Variants in LRP1B observed in about 807,000 individuals in gnomAD.
LRP1B encodes LDL receptor related protein 1B, also known as low-density lipoprotein receptor-related protein 1B.
LRP1B carries 217 observed loss-of-function variants against 556.6 expected under a neutral mutation model. The ratio of observed to expected loss-of-function variants is 0.39; its 90% confidence interval spans 0.35 to 0.44. LRP1B has a LOEUF of 0.44. Ranked by LOEUF, LRP1B falls within the 20% of genes least tolerant of loss-of-function variation. The pLI is 1.00. For missense variants in LRP1B, 5,053 were observed against 5,620.8 expected (o/e 0.90, Z 3.23); for synonymous variants, 2,047 against 1,865.8 (o/e 1.10, Z -2.50).
chr2:140,342,613 A>G (rs1412430823), intron 77 of LRP1B, among the ~76,000 whole-genome samples: 1 of 151,626 alleles, frequency 6.6e-6, no homozygotes, highest in East Asian at 1.9e-4. Context: ...AAATATGTTA[A>G]TGGTGCACAG....
chr2:141,944,450 G>T (rs1700899400), intron 1 of LRP1B, among the ~76,000 whole-genome samples: 1 of 152,084 alleles, frequency 6.6e-6, no homozygotes, highest in Admixed American at 6.6e-5. Context: ...GTTAGTGTGT[G>T]GACCTTGCTG....
chr2:140,699,663 A>T (rs370184752), intron 41 of LRP1B, among the ~76,000 whole-genome samples: 2 of 151,354 alleles, frequency 1.3e-5, no homozygotes, highest in African/African-American at 4.8e-5. Context: ...AGGTTTCCCT[A>T]AATTATGTGG....
intron 1 of LRP1B, among the ~76,000 whole-genome samples, chr2:141,978,311 A>G (rs1317430416): frequency 6.6e-6 from 1 of 152,062 alleles, no homozygotes; most frequent in Non-Finnish European, 1.5e-5. Flanking sequence ...ATTATATTGG[A>G]ATGTACAAGG....
chr2:141,738,610 G>GAAGTTAGTTT (rs1379656578), intron 2 of LRP1B, among the ~76,000 whole-genome samples: 1 of 152,088 alleles, frequency 6.6e-6, no homozygotes, highest in Non-Finnish European at 1.5e-5. Context: ...ATACACCTTT[G>GAAGTTAGTTT]AAGTTAGTTT....
chr2:140,877,708 C>G (rs1189079490), intron 25 of LRP1B, among the ~76,000 whole-genome samples: 1 of 152,092 alleles, frequency 6.6e-6, no homozygotes, highest in East Asian at 1.9e-4. Context: ...CCTGGAGGCC[C>G]CCTCACTCCA....
chr2:140,316,012 G>T (rs1345472428), intron 82 of LRP1B, among the ~76,000 whole-genome samples: 2 of 152,236 alleles, frequency 1.3e-5, no homozygotes, highest in South Asian at 2.1e-4. Context: ...AATAAAAAAG[G>T]TTGGACATTC....
intron 2 of LRP1B, among the ~76,000 whole-genome samples, chr2:141,714,950 T>C (rs1437798988): frequency 6.6e-6 from 1 of 152,168 alleles, no homozygotes; most frequent in Non-Finnish European, 1.5e-5. Flanking sequence ...GAAAAAAAGA[T>C]AAAGATGTTT....
At chr2:141,600,678 C>T (rs531223689) in intron 2 of LRP1B, among the ~76,000 whole-genome samples, 2 of 152,172 alleles carry the variant, frequency 1.3e-5, no homozygotes, top group East Asian at 3.9e-4. Flanking sequence ...GGGTCTCTGC[C>T]CATAAAATAA....
intron 2 of LRP1B, among the ~76,000 whole-genome samples, chr2:141,711,143 G>T (rs1692340603): frequency 6.6e-6 from 1 of 151,982 alleles, no homozygotes; most frequent in East Asian, 1.9e-4. Flanking sequence ...CCTGTGATTT[G>T]GTCAGGACAT....
At chr2:141,663,082 T>C (rs1054784512) in intron 2 of LRP1B, among the ~76,000 whole-genome samples, 3 of 152,338 alleles carry the variant, frequency 2.0e-5, no homozygotes, top group Admixed American at 2.0e-4. Flanking sequence ...TGCTCCTGAA[T>C]GACTCCTGGG....
intron 2 of LRP1B, among the ~76,000 whole-genome samples, chr2:141,765,886 C>CCAGA (rs1694717695): frequency 6.6e-6 from 1 of 152,150 alleles, no homozygotes; most frequent in Non-Finnish European, 1.5e-5. Context: ...AACTCAAAAA[C>CCAGA]TCTGGGGTTA....
chr2:141,246,671 C>A (rs1214550968), intron 5 of LRP1B, among the ~76,000 whole-genome samples: 1 of 152,134 alleles, frequency 6.6e-6, no homozygotes, highest in African/African-American at 2.4e-5. Flanking sequence ...TAATTAGAAA[C>A]TTCCTGCAAT....
At chr2:141,833,431 T>C (rs898185785) in intron 1 of LRP1B, among the ~76,000 whole-genome samples, 3 of 151,780 alleles carry the variant, frequency 2.0e-5, no homozygotes, top group African/African-American at 7.2e-5. Flanking sequence ...TACTTGGGGC[T>C]CATGAGGAAT....
chr2:140,592,852 A>G (rs1682282548), intron 43 of LRP1B, among the ~76,000 whole-genome samples: 1 of 151,894 alleles, frequency 6.6e-6, no homozygotes, highest in Non-Finnish European at 1.5e-5. Context: ...AAGTGGGAGG[A>G]TCATTTGAGC....
chr2:141,300,574 T>C (rs905899428), intron 3 of LRP1B, among the ~76,000 whole-genome samples: 3 of 152,208 alleles, frequency 2.0e-5, no homozygotes, highest in Non-Finnish European at 4.4e-5. Flanking sequence ...GATTATATCA[T>C]TGGGGTGGTT....
At chr2:140,423,658 A>T (rs1393642150) in intron 66 of LRP1B, among the ~76,000 whole-genome samples, 1 of 152,152 alleles carries the variant, frequency 6.6e-6, no homozygotes, top group African/African-American at 2.4e-5. Flanking sequence ...AAAACAATGC[A>T]GGCATCATTT....
chr2:140,450,262 TG>T (rs1355367263), intron 63 of LRP1B, among the ~76,000 whole-genome samples: 1 of 152,174 alleles, frequency 6.6e-6, no homozygotes, highest in East Asian at 1.9e-4. Context: ...AAATTAATGA[TG>T]CTTATTACCC....
intron 14 of LRP1B, among the ~76,000 whole-genome samples, chr2:141,010,775 C>T (rs574517642): frequency 1.1e-4 from 16 of 151,974 alleles, no homozygotes; most frequent in African/African-American, 3.4e-4. Flanking sequence ...CTCAGCCTGC[C>T]GAAGTGCTGG....
At chr2:140,560,110 C>A (rs2105074668) in intron 43 of LRP1B, among the ~76,000 whole-genome samples, 1 of 152,112 alleles carries the variant, frequency 6.6e-6, no homozygotes, top group South Asian at 2.1e-4. Context: ...AATCTCCCTC[C>A]CAACATTTAT....
Sources: gnomAD v4.1 joint callset for allele counts (sites outside exome capture counted in the v4.1 genomes callset) on GRCh38, gnomAD v4.1.1 for gene constraint, MANE v1.5 for transcripts, NCBI Gene and HGNC (gene_info 2026-07-23, HGNC 2026-07-21) for gene names.